Variants in ACTL8 observed in about 807,000 individuals in gnomAD.
ACTL8 encodes actin like 8.
In ACTL8, 3 loss-of-function variants were observed where a neutral mutation model predicts 9.3. The ratio of observed to expected loss-of-function variants is 0.32; its 90% CI spans 0.15 to 0.83. The LOEUF (loss-of-function observed/expected upper bound fraction) is 0.83, where lower values mean the gene tolerates loss of function less well. Among genes scored for constraint, ACTL8 ranks in the 40% least tolerant of loss-of-function variants. ACTL8 has a pLI of 0.57. For synonymous variants in ACTL8, 224 were observed against 205.9 expected (o/e 1.09, Z -0.75); for missense variants, 381 against 492.2 (o/e 0.77, Z 2.14).
chr1:17,804,325 C>T (rs1484850353), intron 1 of ACTL8, among the ~76,000 whole-genome samples: 1 of 152,164 alleles, frequency 6.6e-6, no homozygotes, highest in East Asian at 1.9e-4. Context: ...TCCCAGAAGC[C>T]CTTAGTTAGT....
intron 1 of ACTL8, among the ~76,000 whole-genome samples, chr1:17,814,644 A>G (rs2066413949): frequency 6.6e-6 from 1 of 152,176 alleles, no homozygotes; most frequent in South Asian, 2.1e-4. Flanking sequence ...ATCTACCAAC[A>G]AAACAGGACA....
At chr1:17,789,811 C>A (rs1393901978) in intron 1 of ACTL8, among the ~76,000 whole-genome samples, 1 of 152,146 alleles carries the variant, frequency 6.6e-6, no homozygotes, top group African/African-American at 2.4e-5. Context: ...CTGGCTCTGA[C>A]CATACCGTTG....
In ACTL8 at chr1:17,805,377, C is replaced by CTTTTTTTTTTTTT. The variant is rs56870755; in HGVS notation, c.-24-17594_-24-17582dup. 2.4e-3 allele frequency among the ~76,000 whole-genome samples: 239 copies of CTTTTTTTTTTTTT among 100,174 alleles called. 3 individuals are homozygous for CTTTTTTTTTTTTT. The highest frequency in any genetic ancestry group is 3.3e-3 in the Non-Finnish European group (169 of 51,148). 65.7% of individuals were successfully genotyped at this position (100,174 alleles called of 152,430 possible). ...ATAGATATATTTTCTTTTTCTTTTT[C>CTTTTTTTTTTTTT]TTTTTTTTTTTTTTTTTTTTTTTTT... On this transcript the variant is annotated intron_variant, in intron 1 of 2. Coordinates refer to ENST00000375406, the MANE Select transcript of ACTL8 (RefSeq NM_030812.3).
intron 1 of ACTL8, among the ~76,000 whole-genome samples, chr1:17,796,306 CTGTGTGTGTGTGTGTG>C (rs3063168): frequency 3.4e-5 from 5 of 148,046 alleles, no homozygotes; most frequent in African/African-American, 1.2e-4. Flanking sequence ...ATGCGTGCAC[CTGTGTGTGTGTGTGTG>C]TGTGTGTGTG....
intron 1 of ACTL8, among the ~76,000 whole-genome samples, chr1:17,781,917 A>G (rs920073187): frequency 6.6e-6 from 1 of 152,186 alleles, no homozygotes; most frequent in Admixed American, 6.5e-5. Flanking sequence ...AAACACAGAA[A>G]GAAGGGGAAT....
chr1:17,805,039 C>T lies in ACTL8; in HGVS notation c.-24-17946C>T, dbSNP rs528995883. The stretch of plus-strand genomic sequence containing the variant: ...TCTCCGTCTCCCTAGGGACCAAAGC[C>T]GTATTCTTTACAATTTCCTAACAAG... On this transcript the variant is annotated intron_variant, in intron 1 of 2. Transcript: ENST00000375406. 1.5e-4 allele frequency among the ~76,000 whole-genome samples: 23 copies of T among 152,246 alleles called. No individual in the cohort carries two copies. The South Asian group carries it at 2.1e-3, about 14-fold the overall frequency.
intron 1 of ACTL8, among the ~76,000 whole-genome samples, chr1:17,783,531 G>A (rs2066172703): frequency 6.6e-6 from 1 of 152,138 alleles, no homozygotes; most frequent in African/African-American, 2.4e-5. Flanking sequence ...TGTGTTCCAT[G>A]CCGGACTAGA....
chr1:17,819,450 C>T (rs1281511044), intron 1 of ACTL8, among the ~76,000 whole-genome samples: 1 of 152,208 alleles, frequency 6.6e-6, no homozygotes, highest in African/African-American at 2.4e-5. Flanking sequence ...CCGGTGACAG[C>T]AGGGAGCCAC....
intron 1 of ACTL8, among the ~76,000 whole-genome samples, chr1:17,755,755 T>G (rs532426608): frequency 6.6e-6 from 1 of 152,302 alleles, no homozygotes; most frequent in Admixed American, 6.5e-5. Context: ...CGGCTGTACC[T>G]CAGCCACATG....
intron 1 of ACTL8, among the ~76,000 whole-genome samples, chr1:17,765,970 T>C (rs987587595): frequency 2.6e-5 from 4 of 152,198 alleles, no homozygotes; most frequent in African/African-American, 7.2e-5. Context: ...GCAGCCAACT[T>C]CCTGTGGCCT....
rs370647232 is a variant in ACTL8 at position 17,777,075 on chromosome 1, T to C, written c.-25+21571T>C. On this transcript the variant is annotated intron_variant, in intron 1 of 2. Transcript: ENST00000375406. ...TGGGCCTGGGCCCAAGTGATCCTCCTGCCTTAGCCTCCCAAAGTGCTGAGA... is the reference window on the plus strand; with the variant it reads ...TGGGCCTGGGCCCAAGTGATCCTCCCGCCTTAGCCTCCCAAAGTGCTGAGA... Among the ~76,000 whole-genome samples the C allele has an allele frequency of 1.3e-3, 191 of 146,620 alleles. 8 individuals are homozygous for C. In the South Asian group the frequency reaches 0.042, roughly 32 times the overall value.
intron 1 of ACTL8, among the ~76,000 whole-genome samples, chr1:17,778,287 G>T (rs2066130406): frequency 6.6e-6 from 1 of 152,096 alleles, no homozygotes; most frequent in Non-Finnish European, 1.5e-5. Flanking sequence ...TCTTTTCCTG[G>T]TGGCATCTCA....
Position 17,825,883 on chromosome 1 carries a change from C to T in ACTL8, c.465C>T (p.Thr155=). The T allele has an allele frequency of 6.2e-7, 1 of 1,613,786 alleles. No individual in the cohort carries two copies. The highest frequency in any genetic ancestry group is 8.5e-7 in the Non-Finnish European group (1 of 1,180,026). ...GVVVDSGYGL[T]RVQPFHQGRP... ...TGGTTGATTCTGGCTATGGCCTGAC[C>T]CGCGTGCAGCCTTTCCACCAGGGCC... Residue 155 remains threonine, a synonymous_variant, in exon 3 of 3, where the codon ACC becomes ACT. Transcript: ENST00000375406.
In ACTL8 at chr1:17,771,180, CATAG is replaced by C. The variant is rs543596173; in HGVS notation, c.-25+15684_-25+15687del. 6.4e-3 allele frequency among the ~76,000 whole-genome samples: 967 copies of C among 152,268 alleles called. 5 individuals carry two copies. Among genetic ancestry groups the C allele is most frequent in the Middle Eastern group, 0.01 (3 of 294 alleles). ...TCAGCTGTTGTAACTTGAAAGCAGC[CATAG>C]ATAGATAATATGTAAATGATGGGCG... On this transcript the variant is annotated intron_variant, in intron 1 of 2. Coordinates refer to ENST00000375406, the MANE Select transcript of ACTL8 (RefSeq NM_030812.3).
chr1:17,761,654 T>G (rs1302950188), intron 1 of ACTL8, among the ~76,000 whole-genome samples: 3 of 152,056 alleles, frequency 2.0e-5, no homozygotes, highest in African/African-American at 7.3e-5. Context: ...CACTGTAACC[T>G]CTGCCTCTTG....
intron 1 of ACTL8, among the ~76,000 whole-genome samples, chr1:17,793,954 T>A (rs1345363514): frequency 6.6e-6 from 1 of 152,186 alleles, no homozygotes; most frequent in Non-Finnish European, 1.5e-5. Flanking sequence ...GTGAGTAGCT[T>A]CTTGTCAGCT....
chr1:17,759,818 T>C (rs2065989759), intron 1 of ACTL8, among the ~76,000 whole-genome samples: 1 of 152,170 alleles, frequency 6.6e-6, no homozygotes, highest in South Asian at 2.1e-4. Flanking sequence ...CTTTTGCTTC[T>C]GAGGGTCTCT....
At chr1:17,798,463 C>T (rs796778223) in intron 1 of ACTL8, among the ~76,000 whole-genome samples, 2 of 151,962 alleles carry the variant, frequency 1.3e-5, no homozygotes, top group African/African-American at 4.8e-5. Flanking sequence ...CACAACAGCT[C>T]GCCTGGCAGA....
intron 1 of ACTL8, among the ~76,000 whole-genome samples, chr1:17,794,799 G>A (rs753539577): frequency 6.6e-6 from 1 of 152,186 alleles, no homozygotes; most frequent in Non-Finnish European, 1.5e-5. Context: ...CTCCCAGATC[G>A]TGTCCAGTTC....
Sources: allele counts gnomAD v4.1 joint callset (sites outside exome capture counted in the v4.1 genomes callset), GRCh38; gene constraint gnomAD v4.1.1; transcripts MANE v1.5; gene names NCBI Gene and HGNC (gene_info 2026-07-23, HGNC 2026-07-21).